HYDIN: variants seen among roughly 807,000 people sequenced by gnomAD.
HYDIN encodes axonemal central pair apparatus protein HYDIN.
Under a neutral mutation model 403.9 loss-of-function variants are expected in HYDIN, and 132 were observed. The observed-to-expected ratio is 0.33, with a 90% CI of 0.28 to 0.38. HYDIN has a LOEUF of 0.38. HYDIN is among the 10% of genes least tolerant of loss of function. The probability of loss-of-function intolerance (pLI) is 1.00; values close to 1 mark genes in which losing one functional copy is unlikely to be tolerated. For synonymous variants in HYDIN, 1,202 were observed against 1,891.7 expected (o/e 0.64, Z 9.46); for missense variants, 2,827 against 5,009.5 (o/e 0.56, Z 13.15).
In HYDIN at chr16:71,031,662, C is replaced by T. The variant is rs759101685; in HGVS notation, c.2768+17G>A. On this transcript the variant is annotated intron_variant, in intron 19 of 85. Coordinates refer to ENST00000393567, the MANE Select transcript of HYDIN (RefSeq NM_001270974.2). ...ATATGTGATATCTATAAAAACTGGT[C>T]CATGAGATTTCCTTACCTAAAATGT... The T allele has an allele frequency of 8.8e-6, 14 of 1,597,480 alleles. No homozygotes were observed. The highest frequency in any genetic ancestry group is 1.7e-5 in the Admixed American group (1 of 59,182).
At chr16:71,206,226 A>G (rs2088292077) in intron 1 of HYDIN, among the ~76,000 whole-genome samples, 1 of 152,178 alleles carries the variant, frequency 6.6e-6, no homozygotes, top group East Asian at 1.9e-4. Context: ...TGGCAAGGAC[A>G]TGTCTTGTTG....
At chr16:70,872,682 CCCAT>C (rs1597183095) in intron 64 of HYDIN, among the ~76,000 whole-genome samples, 1 of 122,554 alleles carries the variant, frequency 8.2e-6, no homozygotes, top group Non-Finnish European at 1.7e-5. Context: ...CACCTATCCA[CCCAT>C]CCATCATCTC....
At chr16:70,967,686 C>T (rs577378013) in intron 36 of HYDIN, among the ~76,000 whole-genome samples, 588 of 152,266 alleles carry the variant, frequency 3.9e-3, no homozygotes, top group African/African-American at 0.013. Context: ...CGGGGTTTCA[C>T]CGTGTTAGCC....
chr16:71,165,334 C>T (rs1349740825), intron 5 of HYDIN, among the ~76,000 whole-genome samples: 1 of 151,914 alleles, frequency 6.6e-6, no homozygotes, highest in Admixed American at 6.6e-5. Context: ...TCATGGTGCT[C>T]ACCCCCTCAC....
At chr16:70,945,248 G>A (rs149171642) in intron 41 of HYDIN, among the ~76,000 whole-genome samples, 1,877 of 152,084 alleles carry the variant, frequency 0.012, no homozygotes, top group South Asian at 0.037. Flanking sequence ...GTAGGACTTC[G>A]GATGGAACAT....
intron 4 of HYDIN, among the ~76,000 whole-genome samples, chr16:71,178,267 A>G (rs1018460603): frequency 2.6e-4 from 40 of 151,900 alleles, no homozygotes; most frequent in African/African-American, 9.4e-4. Context: ...TAAAAATACA[A>G]AATTAGTTGC....
intron 23 of HYDIN, among the ~76,000 whole-genome samples, chr16:71,002,170 C>G (rs2079738849): frequency 6.6e-6 from 1 of 152,168 alleles, no homozygotes; most frequent in Non-Finnish European, 1.5e-5. Flanking sequence ...TTAATGGTAT[C>G]TCTTGATGCA....
intron 50 of HYDIN, 99 bp downstream of exon 50, chr16:70,907,273 T>C (rs1444496192): frequency 2.0e-6 from 1 of 509,306 alleles, no homozygotes; most frequent in East Asian, 3.5e-5. Context: ...GAGGCAGCAT[T>C]AGTAAAAGCT....
At chr16:71,205,017 GAAGT>G (rs2088220040) in intron 1 of HYDIN, among the ~76,000 whole-genome samples, 1 of 152,210 alleles carries the variant, frequency 6.6e-6, no homozygotes, top group South Asian at 2.1e-4. Flanking sequence ...AAGCACCACA[GAAGT>G]AAGCAAAGCC....
In HYDIN at chr16:70,863,148, C is replaced by A; in HGVS notation, c.11506G>T (p.Glu3836Ter). ...GTATCTTCTGAGACCCAGCTGAATT[C>A]CAGCTGGACACGTCCTGAATTAATC... ...DVINSGRVQL[E>*]FSWVSEDTSK... The change falls in exon 68 of 86, where the codon GAA (glutamate) becomes TAA (stop). Residue 3836 changes from glutamate (E) to a stop codon, truncating the protein, a stop_gained. Transcript: ENST00000393567. LOFTEE classifies it high-confidence loss of function. 1 of 1,613,972 alleles carries A rather than the reference C, an allele frequency of 6.2e-7. No homozygotes were observed. The highest frequency in any genetic ancestry group is 1.1e-5 in the South Asian group (1 of 91,052).
chr16:70,920,763 T>A lies in HYDIN; in HGVS notation c.7613A>T (p.Lys2538Met), dbSNP rs2076970187. The stretch of plus-strand genomic sequence containing the variant: ...GCTCCGCTCCTCCAGGGCTCGCAGC[T>A]TCTCCAGGCGCTCCCGCTCCGCCTT... Reference protein sequence around the residue: ...REKAERERLEKLRALEERSDW... With the variant: ...REKAERERLEMLRALEERSDW... Residue 2538 changes from lysine (K) to methionine (M), a missense_variant, in exon 46 of 86, where the codon AAG becomes ATG. Physicochemically the swap from Lys to Met is moderately conservative, Grantham distance 95. Coordinates refer to ENST00000393567, the MANE Select transcript of HYDIN (RefSeq NM_001270974.2). 1.3e-6 allele frequency: 2 copies of A among 1,563,632 alleles called. No homozygotes were observed. The highest frequency in any genetic ancestry group is 2.3e-5 in the South Asian group (2 of 85,504).
chr16:70,818,820 G>A lies in HYDIN; in HGVS notation c.14428-248C>T, dbSNP rs553524039. On this transcript the variant is annotated intron_variant, in intron 83 of 85. Coordinates refer to ENST00000393567, the MANE Select transcript of HYDIN (RefSeq NM_001270974.2). ...GGCTTGCTTTAGAAGAGGCTAGATA[G>A]AGCAGGACTGTCCAACGCCAGCACT... Among the ~76,000 whole-genome samples the A allele has an allele frequency of 4.6e-5, 7 of 151,802 alleles. No individual in the cohort carries two copies. In the East Asian group the frequency reaches 1.2e-3, roughly 25 times the overall value.
intron 59 of HYDIN, among the ~76,000 whole-genome samples, chr16:70,883,132 C>G (rs2040914946): frequency 6.6e-6 from 1 of 152,200 alleles, no homozygotes; most frequent in African/African-American, 2.4e-5. Flanking sequence ...GATCCAAGAT[C>G]TGGGGTGTGC....
intron 5 of HYDIN, among the ~76,000 whole-genome samples, chr16:71,164,719 C>G (rs1353043231): frequency 9.5e-6 from 1 of 104,844 alleles, no homozygotes; most frequent in African/African-American, 3.9e-5. Context: ...CAAACCAAAG[C>G]TCCTGATGAA....
intron 1 of HYDIN, among the ~76,000 whole-genome samples, chr16:71,193,331 C>T (rs1036180408): frequency 2.6e-5 from 4 of 152,080 alleles, no homozygotes; most frequent in Non-Finnish European, 5.9e-5. Flanking sequence ...TGGCTCCTTC[C>T]AATGTTTCTA....
intron 28 of HYDIN, among the ~76,000 whole-genome samples, chr16:70,982,360 G>A (rs2079072295): frequency 6.6e-6 from 1 of 151,274 alleles, no homozygotes; most frequent in East Asian, 1.9e-4. Context: ...GGAATATATG[G>A]CATTGGAAGC....
At chr16:71,152,176 G>T (rs1044566670) in intron 7 of HYDIN, among the ~76,000 whole-genome samples, 1 of 150,304 alleles carries the variant, frequency 6.7e-6, no homozygotes, top group African/African-American at 2.5e-5. Context: ...TTCAAGCACT[G>T]GGGACACCAG....
chr16:70,910,342 C>T (rs2076662934), intron 47 of HYDIN, among the ~76,000 whole-genome samples: 1 of 152,052 alleles, frequency 6.6e-6, no homozygotes, highest in African/African-American at 2.4e-5. Flanking sequence ...CGATGTTTCC[C>T]ATTCCTGAGT....
intron 1 of HYDIN, among the ~76,000 whole-genome samples, chr16:71,215,450 T>C (rs1478567694): frequency 6.6e-6 from 1 of 152,146 alleles, no homozygotes; most frequent in Non-Finnish European, 1.5e-5. Context: ...ACACTGCCAC[T>C]CCTACTGAAA....
Sources: allele counts gnomAD v4.1 joint callset (sites outside exome capture counted in the v4.1 genomes callset), GRCh38; gene constraint gnomAD v4.1.1; transcripts MANE v1.5; gene names NCBI Gene and HGNC (gene_info 2026-07-23, HGNC 2026-07-21).